Variants in RBFOX3 observed in about 807,000 individuals in gnomAD.
RBFOX3 encodes the protein RNA binding fox-1 homolog 3, also known as RNA binding protein fox-1 homolog 3.
In RBFOX3, 17 loss-of-function variants were observed where a neutral mutation model predicts 48.7. The observed-to-expected ratio is 0.35, with a 90% CI of 0.24 to 0.52. RBFOX3 has a LOEUF of 0.52. Ranked by LOEUF, RBFOX3 falls within the 20% of genes least tolerant of loss-of-function variation. RBFOX3 has a pLI of 0.94. For missense variants in RBFOX3, 382 were observed against 497.5 expected (o/e 0.77, Z 2.21); for synonymous variants, 212 against 209.5 (o/e 1.01, Z -0.10).
rs561867715 is a variant in RBFOX3, at chr17:79,161,428, G to T, written c.-33-45680C>A. On this transcript the variant is annotated intron_variant, in intron 4 of 14. Transcript: ENST00000693108. ...CCATCACTTCCGTCTCCGCATACCA[G>T]CTGGGGATGCTGCTCCAGGAAGTGA... 1.1e-4 allele frequency among the ~76,000 whole-genome samples: 17 copies of T among 152,340 alleles called. No homozygotes were observed. The South Asian group carries it at 3.3e-3, about 30-fold the overall frequency.
At chr17:79,592,915 C>T (rs1280787429) in intron 1 of RBFOX3, among the ~76,000 whole-genome samples, 3 of 152,326 alleles carry the variant, frequency 2.0e-5, no homozygotes, top group East Asian at 3.9e-4. Context: ...CTGGCACACC[C>T]ACTACCCCAC....
intron 1 of RBFOX3, among the ~76,000 whole-genome samples, chr17:79,500,176 A>G (rs2082194985): frequency 6.6e-6 from 1 of 151,826 alleles, no homozygotes; most frequent in Non-Finnish European, 1.5e-5. Flanking sequence ...ATCAACCCAC[A>G]GACCCATAAG....
At chr17:79,258,319 T>C (rs1412086174) in intron 3 of RBFOX3, among the ~76,000 whole-genome samples, 1 of 152,166 alleles carries the variant, frequency 6.6e-6, no homozygotes, top group African/African-American at 2.4e-5. Flanking sequence ...AGAAAGGATC[T>C]GAAACGGATT....
At chr17:79,634,851 G>A in the RBFOX3 span, among the ~76,000 whole-genome samples, 72,655 of 151,638 alleles carry the variant, frequency 0.48, 21,056 homozygotes, top group Non-Finnish European at 0.64. Context: ...CTTGAGGTCA[G>A]GAGTTCGAGA....
chr17:79,392,904 C>T lies in RBFOX3; in HGVS notation c.-174-85080G>A, dbSNP rs1327190482. ...AAGGATTCCTTCTCATTTATCCTGA[C>T]ATGTACTTACTAAATAGGAATATTT... On this transcript the variant is annotated intron_variant, in intron 2 of 14. Coordinates refer to ENST00000693108, the MANE Select transcript of RBFOX3 (RefSeq NM_001350451.2). The surrounding 1 kb of genome is among the most constrained non-coding windows in gnomAD (Gnocchi z 5.0). Among the ~76,000 whole-genome samples the T allele has an allele frequency of 1.3e-5, 2 of 152,192 alleles. No homozygotes were observed. Among genetic ancestry groups the T allele is most frequent in the Non-Finnish European group, 2.9e-5 (2 of 68,038 alleles).
chr17:79,285,176 A>G (rs997510405), intron 3 of RBFOX3, among the ~76,000 whole-genome samples: 3 of 152,054 alleles, frequency 2.0e-5, no homozygotes, highest in Non-Finnish European at 4.4e-5. Flanking sequence ...AGAACAGCCA[A>G]CCCTCCTCTG....
intron 1 of RBFOX3, among the ~76,000 whole-genome samples, chr17:79,511,958 A>T: frequency 6.7e-6 from 1 of 148,910 alleles, no homozygotes; most frequent in African/African-American, 2.5e-5. Context: ...CCCCATGGCC[A>T]GGGGACACCC....
At chr17:79,468,446 C>G (rs1449124829) in intron 2 of RBFOX3, among the ~76,000 whole-genome samples, 2 of 151,544 alleles carry the variant, frequency 1.3e-5, no homozygotes, top group African/African-American at 4.9e-5. Context: ...ATTGAACAGA[C>G]AGACAATAGA....
intron 2 of RBFOX3, among the ~76,000 whole-genome samples, chr17:79,422,911 C>T (rs959678547): frequency 1.8e-4 from 28 of 152,178 alleles, no homozygotes; most frequent in African/African-American, 6.3e-4. Context: ...CTTCCTCTCC[C>T]TGTCTCCCTC....
chr17:79,104,061 T>C lies in RBFOX3; in HGVS notation c.414+12A>G. 3 of 1,549,996 alleles carry C rather than the reference T, an allele frequency of 1.9e-6. No homozygotes were observed. The highest frequency in any genetic ancestry group is 2.6e-6 in the Non-Finnish European group (3 of 1,146,074). On this transcript the variant is annotated intron_variant, in intron 7 of 14. Coordinates refer to ENST00000693108, the MANE Select transcript of RBFOX3 (RefSeq NM_001350451.2). Reference sequence around the variant, plus strand: ...CCGGCGCTGTAAGGCGGCAGCTCCGTGCGGCACCCACCTTGGAGCCCCGCT... The same window carrying C: ...CCGGCGCTGTAAGGCGGCAGCTCCGCGCGGCACCCACCTTGGAGCCCCGCT...
intron 2 of RBFOX3, among the ~76,000 whole-genome samples, chr17:79,417,929 C>A (rs1244708817): frequency 6.6e-6 from 1 of 152,208 alleles, no homozygotes; most frequent in Non-Finnish European, 1.5e-5. Context: ...TGGGAGAACC[C>A]TGGGGACATG....
chr17:79,343,088 C>T (rs1025533673), intron 2 of RBFOX3, among the ~76,000 whole-genome samples: 1 of 152,110 alleles, frequency 6.6e-6, no homozygotes, highest in Non-Finnish European at 1.5e-5. Context: ...AAGAAAACCC[C>T]AATCAATAAC....
intron 1 of RBFOX3, among the ~76,000 whole-genome samples, chr17:79,533,008 C>A (rs1281179625): frequency 6.6e-6 from 1 of 152,266 alleles, no homozygotes; most frequent in East Asian, 1.9e-4. Flanking sequence ...CCTCCAATGA[C>A]AGAAAGACGC....
chr17:79,298,146 C>G (rs547039234), intron 3 of RBFOX3: 81 of 152,386 alleles, frequency 5.3e-4, no homozygotes, highest in African/African-American at 1.9e-3. Flanking sequence ...AGAAAAGCAT[C>G]TGCAGCTACT....
intron 2 of RBFOX3, among the ~76,000 whole-genome samples, chr17:79,456,279 G>C (rs1179450394): frequency 6.6e-6 from 1 of 151,966 alleles, no homozygotes; most frequent in African/African-American, 2.4e-5. Flanking sequence ...CGCCAACTCT[G>C]TTTGTTCCGC....
At chr17:79,538,223 T>C (rs1555789258) in intron 1 of RBFOX3, among the ~76,000 whole-genome samples, 1 of 152,186 alleles carries the variant, frequency 6.6e-6, no homozygotes, top group Non-Finnish European at 1.5e-5. Context: ...GAGTCTTCTC[T>C]CCCACAGGCT....
At chr17:79,309,276 G>A (rs750193323) in intron 2 of RBFOX3, among the ~76,000 whole-genome samples, 7 of 152,112 alleles carry the variant, frequency 4.6e-5, no homozygotes, top group Non-Finnish European at 1.5e-5. Flanking sequence ...GGAAGGGGGT[G>A]TCACATGATT....
intron 1 of RBFOX3, among the ~76,000 whole-genome samples, chr17:79,486,519 A>G (rs2079629473): frequency 1.3e-5 from 2 of 152,144 alleles, no homozygotes; most frequent in African/African-American, 4.8e-5. Flanking sequence ...CCTGTCCCCT[A>G]CACACACATA....
intron 1 of RBFOX3, among the ~76,000 whole-genome samples, chr17:79,521,796 C>G (rs948453364): frequency 1.3e-5 from 2 of 152,214 alleles, no homozygotes; most frequent in Admixed American, 1.3e-4. Context: ...CACACAAAAA[C>G]ACACAGTCAC....
Sources: allele counts gnomAD v4.1 joint callset (sites outside exome capture counted in the v4.1 genomes callset), GRCh38; gene constraint gnomAD v4.1.1; non-coding constraint Gnocchi (gnomAD v3.1); transcripts MANE v1.5; gene names NCBI Gene and HGNC (gene_info 2026-07-23, HGNC 2026-07-21).